ANK2: variants seen among roughly 807,000 people sequenced by gnomAD.
ANK2 encodes ankyrin-2.
Under a neutral mutation model 360.5 loss-of-function variants are expected in ANK2, and 83 were observed. That is an observed-to-expected ratio of 0.23 (90% CI 0.19 to 0.28). ANK2 has a LOEUF of 0.28. Ranked by LOEUF, ANK2 falls within the 10% of genes least tolerant of loss-of-function variation. ANK2 has a pLI of 1.00. For synonymous variants in ANK2, 1,740 were observed against 1,759.5 expected, an observed-to-expected ratio of 0.99 and a Z score of 0.28; for missense variants, 4,201 against 4,795.7, an observed-to-expected ratio of 0.88 and a Z score of 3.66.
At chr4:112,748,423 T>C in the ANK2 span, among the ~76,000 whole-genome samples, 3 of 152,188 alleles carry the variant, frequency 2.0e-5, no homozygotes, top group Non-Finnish European at 4.4e-5. Flanking sequence ...TAATGGAACA[T>C]ATTTCTTTTA....
intron 2 of ANK2, among the ~76,000 whole-genome samples, chr4:112,945,947 G>A (rs749360137): frequency 5.9e-5 from 9 of 152,164 alleles, no homozygotes; most frequent in African/African-American, 1.4e-4. Context: ...ACCTGAACCC[G>A]GGGTGGTTCA....
chr4:112,920,596 A>G (rs2091214612), intron 2 of ANK2, among the ~76,000 whole-genome samples: 1 of 152,238 alleles, frequency 6.6e-6, no homozygotes, highest in African/African-American at 2.4e-5. Context: ...TTACTTATAA[A>G]TAATATAAAT....
At chr4:113,006,181 A>G (rs999278224) in intron 2 of ANK2, among the ~76,000 whole-genome samples, 4 of 152,234 alleles carry the variant, frequency 2.6e-5, no homozygotes, top group Admixed American at 1.3e-4. Context: ...ATCATACAAC[A>G]CATAAAAATG....
chr4:113,016,689 A>C (rs1011226618), intron 2 of ANK2, among the ~76,000 whole-genome samples: 7 of 152,172 alleles, frequency 4.6e-5, no homozygotes, highest in African/African-American at 1.7e-4. Flanking sequence ...TCAAGACACA[A>C]AGGAATGAAA....
Position 113,287,761 on chromosome 4 carries a change from C to T in ANK2, c.2178+58C>T. On this transcript the variant is annotated intron_variant, in intron 19 of 45. Transcript: ENST00000357077. Reference sequence around the variant, plus strand: ...TTCTGGCTGGGATGATTCCCAGTAGCCCCCATTCGGGTCACCCCATGTCCA... The same window carrying T: ...TTCTGGCTGGGATGATTCCCAGTAGTCCCCATTCGGGTCACCCCATGTCCA... The T allele has an allele frequency of 6.9e-6, 10 of 1,451,214 alleles. No individual in the cohort carries two copies. In the Admixed American group the frequency reaches 1.4e-4, roughly 20 times the overall value. The allele number at this position is 1,451,214 out of a possible 1,614,324, so 89.9% of individuals were successfully genotyped here.
chr4:113,156,319 AC>A (rs566797157), intron 1 of ANK2, among the ~76,000 whole-genome samples: 75 of 151,440 alleles, frequency 5.0e-4, no homozygotes, highest in Non-Finnish European at 1.6e-4. Context: ...TATTATTTCA[AC>A]ATCATGAAAG....
chr4:113,302,916 C>G, intron 23 of ANK2, 77 bp downstream of exon 23: 1 of 1,234,648 alleles, frequency 8.1e-7, no homozygotes, highest in East Asian at 2.3e-5. Context: ...TTTCAGAGAC[C>G]AAGCTGGTTA....
the ANK2 span, among the ~76,000 whole-genome samples, chr4:112,754,169 A>G: frequency 6.9e-6 from 1 of 144,772 alleles, no homozygotes; most frequent in Non-Finnish European, 1.5e-5. Flanking sequence ...GGGGATATAT[A>G]AAACAGCTTT....
At chr4:113,010,331 A>G (rs1023880299) in intron 2 of ANK2, among the ~76,000 whole-genome samples, 1 of 152,230 alleles carries the variant, frequency 6.6e-6, no homozygotes, top group African/African-American at 2.4e-5. Context: ...CCCAAATGAA[A>G]AAAGAGTTAC....
At chr4:112,829,442 A>T (rs997622369) in intron 1 of ANK2, among the ~76,000 whole-genome samples, 1 of 138,304 alleles carries the variant, frequency 7.2e-6, no homozygotes, top group Non-Finnish European at 1.5e-5. Context: ...GATTGCTTTG[A>T]GACCAGGAGT....
intron 2 of ANK2, among the ~76,000 whole-genome samples, chr4:113,039,299 A>G (rs1301944815): frequency 6.6e-6 from 1 of 151,906 alleles, no homozygotes; most frequent in Non-Finnish European, 1.5e-5. Context: ...ACCATTCTTG[A>G]GATTCTTTGG....
chr4:112,994,714 G>A (rs1404054031), intron 2 of ANK2, among the ~76,000 whole-genome samples: 1 of 152,098 alleles, frequency 6.6e-6, no homozygotes. Flanking sequence ...ACCCAGGTAC[G>A]GAGCATAGTA....
chr4:112,885,654 G>T (rs996505081), intron 1 of ANK2, among the ~76,000 whole-genome samples: 1 of 151,456 alleles, frequency 6.6e-6, no homozygotes. Context: ...AAAATTAGCC[G>T]GGCGTGGTGG....
intron 1 of ANK2, among the ~76,000 whole-genome samples, chr4:113,098,068 AC>A (rs1260488642): frequency 2.6e-5 from 4 of 151,484 alleles, no homozygotes; most frequent in Admixed American, 6.6e-5. Context: ...ATATTTGCCT[AC>A]TGAGTGAAAT....
At chr4:112,972,335 C>T (rs2039819362) in intron 2 of ANK2, among the ~76,000 whole-genome samples, 1 of 152,132 alleles carries the variant, frequency 6.6e-6, no homozygotes, top group Admixed American at 6.5e-5. Context: ...CTAATGCTCT[C>T]CCTCCCTTTG....
chr4:113,095,367 A>G (rs891670953), intron 1 of ANK2, among the ~76,000 whole-genome samples: 3 of 152,138 alleles, frequency 2.0e-5, no homozygotes, highest in Admixed American at 1.3e-4. Flanking sequence ...ATTTGGTTAT[A>G]TACTCCAAGA....
At chr4:113,342,887 T>C in intron 33 of ANK2, 130 bp from the exon 34 acceptor site, 1 of 1,157,276 alleles carries the variant, frequency 8.6e-7, no homozygotes, top group Non-Finnish European at 1.3e-6. Flanking sequence ...AGAATGTCAG[T>C]TGTCAATTTA....
At chr4:112,840,654 A>G (rs1159891421) in intron 1 of ANK2, among the ~76,000 whole-genome samples, 1 of 152,254 alleles carries the variant, frequency 6.6e-6, no homozygotes, top group Non-Finnish European at 1.5e-5. Flanking sequence ...AGATAAAACA[A>G]TAAGAGTTAA....
the ANK2 span, among the ~76,000 whole-genome samples, chr4:112,707,794 T>G: frequency 6.6e-6 from 1 of 152,182 alleles, no homozygotes; most frequent in East Asian, 1.9e-4. Flanking sequence ...AAAATACGTA[T>G]AAAAATAGTT....
Sources: allele counts gnomAD v4.1 joint callset (sites outside exome capture counted in the v4.1 genomes callset), GRCh38; gene constraint gnomAD v4.1.1; transcripts MANE v1.5; gene names NCBI Gene and HGNC (gene_info 2026-07-23, HGNC 2026-07-21).